The following AFF2 variants were observed in gnomAD, a reference collection of about 807,000 sequenced individuals.
AFF2 encodes AF4/FMR2 family member 2.
AFF2 carries 14 observed loss-of-function variants against 76.9 expected under a neutral mutation model. The observed-to-expected ratio is 0.18, with a 90% CI of 0.12 to 0.28. AFF2 has a LOEUF of 0.28. AFF2 is among the 10% of genes least tolerant of loss of function. AFF2 has a pLI of 1.00. For missense variants in AFF2, 868 were observed against 1,001.1 expected, an observed-to-expected ratio of 0.87 and a Z score of 1.79; for synonymous variants, 398 against 366.7, an observed-to-expected ratio of 1.09 and a Z score of -0.98.
intron 1 of AFF2, among the ~76,000 whole-genome samples, chrX:148,520,785 C>T (rs1188341242): frequency 8.9e-6 from 1 of 112,246 alleles, no homozygotes; most frequent in Non-Finnish European, 1.9e-5. Context: ...ACCTACAGTT[C>T]CTTTTTCTAA....
At chrX:148,761,938 T>C (rs1439234666) in intron 3 of AFF2, among the ~76,000 whole-genome samples, 1 of 107,561 alleles carries the variant, frequency 9.3e-6, no homozygotes, top group Non-Finnish European at 1.9e-5. Flanking sequence ...TGCATGTATA[T>C]GTGTGTGTGT....
At position 148,956,254 on chromosome X, in the gene AFF2, A is replaced by G. The variant is rs1557287313; in HGVS notation, c.2209A>G (p.Ile737Val). Reference sequence around the variant, plus strand: ...GCAAATCAAAGTCCTGCCTCCGTGCATTATTTCTGGAGGTAATACTGCCAA... The same window carrying G: ...GCAAATCAAAGTCCTGCCTCCGTGCGTTATTTCTGGAGGTAATACTGCCAA... ...TLQIKVLPPC[I>V]ISGGNTAKSK... is the part of the protein sequence containing the mutation. The change falls in exon 11 of 21, where the codon ATT (isoleucine) becomes GTT (valine). Residue 737 changes from isoleucine to valine, a missense_variant. Physicochemically the swap from Ile to Val is conservative, Grantham distance 29 (BLOSUM62 3). This residue lies in a region of AFF2 where 532 missense variants were observed against 564.2 expected (regional missense o/e 0.94). Coordinates refer to ENST00000370460, the MANE Select transcript of AFF2 (RefSeq NM_002025.4). The G allele has an allele frequency of 8.3e-7, 1 of 1,210,118 alleles. No individual in the cohort carries two copies. The highest frequency in any genetic ancestry group is 1.1e-6 in the Non-Finnish European group (1 of 895,294).
At chrX:148,944,532 A>G (rs2071877221) in intron 9 of AFF2, among the ~76,000 whole-genome samples, 1 of 84,780 alleles carries the variant, frequency 1.2e-5, no homozygotes, top group African/African-American at 3.6e-5. Context: ...GGCAAAAGGT[A>G]CAAAAATACT....
At chrX:148,898,717 C>A (rs1440520489) in intron 8 of AFF2, among the ~76,000 whole-genome samples, 1 of 111,654 alleles carries the variant, frequency 9.0e-6, no homozygotes, top group Non-Finnish European at 1.9e-5. Flanking sequence ...TGTCCTCTGG[C>A]ACATTTTCAT....
rs2072030368 is a variant in AFF2, at chrX:148,955,937, C to T, written c.1892C>T (p.Pro631Leu). The change falls in exon 11 of 21, where the codon CCC (proline) becomes CTC (leucine). Residue 631 changes from proline (P) to leucine (L), a missense_variant. By Grantham distance (98) the Pro-to-Leu change is moderately conservative. Transcript: ENST00000370460. ...VSQRTIGKKQ[P>L]KKVEKNTSTD... is the part of the protein sequence containing the mutation. Reference sequence around the variant, plus strand: ...CAAAGGACAATTGGGAAAAAACAGCCCAAAAAAGTTGAGAAGAACACCAGC... The same window carrying T: ...CAAAGGACAATTGGGAAAAAACAGCTCAAAAAAGTTGAGAAGAACACCAGC... The T allele has an allele frequency of 8.3e-7, 1 of 1,209,073 alleles. No individual in the cohort carries two copies. The highest frequency in any genetic ancestry group is 1.8e-5 in the African/African-American group (1 of 56,802).
At position 148,922,300 on chromosome X, in the gene AFF2, T is replaced by A. The variant is rs1302010485; in HGVS notation, c.1397+18042T>A. ...AACACAGAGAGCACCATCCCTAGAG[T>A]CAGGGGAAGGAGCATAAATTATTTC... On this transcript the variant is annotated intron_variant, in intron 9 of 20. Transcript: ENST00000370460. Among the ~76,000 whole-genome samples the A allele has an allele frequency of 2.7e-5, 3 of 111,614 alleles. No individual in the cohort carries two copies. The East Asian group carries it at 8.4e-4, about 31-fold the overall frequency.
intron 9 of AFF2, among the ~76,000 whole-genome samples, chrX:148,917,134 T>C (rs1427288135): frequency 1.8e-5 from 2 of 112,333 alleles, no homozygotes; most frequent in Non-Finnish European, 3.8e-5. Flanking sequence ...ATGTTCCATA[T>C]TAGCTTTATT....
intron 3 of AFF2, among the ~76,000 whole-genome samples, chrX:148,794,930 C>T (rs1181537880): frequency 9.0e-6 from 1 of 111,687 alleles, no homozygotes; most frequent in Non-Finnish European, 1.9e-5. Flanking sequence ...TCTCCACCAC[C>T]TCTGACTAGC....
At chrX:148,750,515 C>A (rs906995474) in intron 3 of AFF2, among the ~76,000 whole-genome samples, 9 of 111,163 alleles carry the variant, frequency 8.1e-5, no homozygotes, top group Middle Eastern at 4.2e-3. Context: ...TTTCAGTAAT[C>A]AGATGTAGTC....
intron 1 of AFF2, among the ~76,000 whole-genome samples, chrX:148,614,748 TTC>T (rs1557250043): frequency 1.8e-5 from 1 of 55,730 alleles, no homozygotes; most frequent in East Asian, 3.8e-4. Context: ...TTTTCTTTCT[TTC>T]TTTCTTTCTT....
chrX:148,621,421 G>A (rs1340830378), intron 1 of AFF2, among the ~76,000 whole-genome samples: 1 of 110,633 alleles, frequency 9.0e-6, no homozygotes, highest in African/African-American at 3.3e-5. Context: ...TCTTTGAAGT[G>A]GAACAGGGCT....
At chrX:148,530,983 CT>C (rs1406060341) in intron 1 of AFF2, among the ~76,000 whole-genome samples, 33 of 111,763 alleles carry the variant, frequency 3.0e-4, no homozygotes, top group Non-Finnish European at 5.3e-4. Context: ...TTTGCCCTGG[CT>C]TTTTCTCTTT....
Position 148,597,910 on chromosome X carries a change from G to A in AFF2, c.48-54089G>A, listed in dbSNP as rs782660371. ...TTCATCATAGGAAATGGCTCGCTGC[G>A]GTATAAAGGTTTCATCTATTAACAG... On this transcript the variant is annotated intron_variant, in intron 1 of 20. Coordinates refer to ENST00000370460, the MANE Select transcript of AFF2 (RefSeq NM_002025.4). Among the ~76,000 whole-genome samples, 13 of 111,981 alleles carry A rather than the reference G, an allele frequency of 1.2e-4. No individual in the cohort carries two copies. The East Asian group carries it at 2.3e-3, about 19-fold the overall frequency.
chrX:148,794,167 GC>G lies in AFF2; in HGVS notation c.1042-15705del, dbSNP rs199920263. Among the ~76,000 whole-genome samples the G allele has an allele frequency of 7.0e-3, 779 of 111,746 alleles. 6 individuals carry two copies. Among genetic ancestry groups the G allele is most frequent in the African/African-American group, 0.024 (745 of 30,750 alleles). On this transcript the variant is annotated intron_variant, in intron 3 of 20. Transcript: ENST00000370460. ...CAGAATTTCTAAAGATGGAAGGGTT[GC>G]CCCTGCCAACTCTATTTCACTGTTT...
intron 1 of AFF2, among the ~76,000 whole-genome samples, chrX:148,649,105 T>C (rs1569552572): frequency 8.9e-6 from 1 of 111,804 alleles, no homozygotes; most frequent in Admixed American, 9.5e-5. Flanking sequence ...TGTGTAAAGA[T>C]GTATCAAATT....
rs782711605 is a variant in AFF2 at position 148,551,452 on chromosome X, C to T, written c.47+50308C>T. ...TAGTAGAACTTATGGTCCTTCTCTA[C>T]TCTAAACTCTCCTCCAGATGCTGGG... is the stretch of plus-strand genomic sequence containing the variant. On this transcript the variant is annotated intron_variant, in intron 1 of 20. Coordinates refer to ENST00000370460, the MANE Select transcript of AFF2 (RefSeq NM_002025.4). 4.5e-5 allele frequency among the ~76,000 whole-genome samples: 4 copies of T among 88,335 alleles called. No homozygotes were observed. In the South Asian group the frequency reaches 2.0e-3, roughly 45 times the overall value. 76.7% of individuals were successfully genotyped at this position (88,335 alleles called of 115,157 possible).
intron 3 of AFF2, among the ~76,000 whole-genome samples, chrX:148,762,457 A>G (rs2069461635): frequency 2.2e-5 from 2 of 91,326 alleles, no homozygotes; most frequent in Admixed American, 1.3e-4. Context: ...TGATATATAT[A>G]TATTATGTGT....
chrX:148,718,372 C>T (rs781800320), intron 3 of AFF2, among the ~76,000 whole-genome samples: 24 of 110,554 alleles, frequency 2.2e-4, no homozygotes, highest in South Asian at 3.9e-4. Context: ...AATAATTGAG[C>T]GAGGCAATGA....
At chrX:148,621,460 G>GT (rs1314687428) in intron 1 of AFF2, among the ~76,000 whole-genome samples, 2 of 110,754 alleles carry the variant, frequency 1.8e-5, no homozygotes, top group Admixed American at 9.6e-5. Context: ...GATCTCAGCA[G>GT]TTTTTTAGTG....
Sources: gnomAD v4.1 joint callset for allele counts (sites outside exome capture counted in the v4.1 genomes callset) on GRCh38, gnomAD v4.1.1 for gene constraint, gnomAD v4.1.1 regional missense constraint, MANE v1.5 for transcripts, NCBI Gene and HGNC (gene_info 2026-07-23, HGNC 2026-07-21) for gene names.